KMT2A: variants seen among roughly 807,000 people sequenced by gnomAD.
KMT2A encodes the protein lysine methyltransferase 2A, also known as histone-lysine N-methyltransferase 2A.
A neutral mutation model predicts 345.3 loss-of-function variants in KMT2A; 16 were observed. The ratio of observed to expected loss-of-function variants is 0.05; its 90% CI spans 0.03 to 0.07. The LOEUF is 0.07. Among genes scored for constraint, KMT2A ranks in the 10% least tolerant of loss-of-function variants. KMT2A has a pLI of 1.00. For missense variants in KMT2A, 3,272 were observed against 4,841.6 expected, an observed-to-expected ratio of 0.68 and a Z score of 9.62; for synonymous variants, 1,599 against 1,778.6, an observed-to-expected ratio of 0.90 and a Z score of 2.54.
Position 118,503,964 on chromosome 11 carries a change from T to G in KMT2A, c.8072T>G (p.Val2691Gly). 1 of 1,614,192 alleles carries G rather than the reference T, an allele frequency of 6.2e-7. No individual in the cohort carries two copies. Among genetic ancestry groups the G allele is most frequent in the African/African-American group, 1.3e-5 (1 of 75,032 alleles). ...DLYYYNFTRTVISSGGEERLA... is the reference protein window; with the variant it reads ...DLYYYNFTRTGISSGGEERLA... ...TACTATTACAACTTCACTAGAACAGTGATTTCTTCAGGTGGAGAGGAACGA... is the reference window on the plus strand; with the variant it reads ...TACTATTACAACTTCACTAGAACAGGGATTTCTTCAGGTGGAGAGGAACGA... Residue 2691 changes from valine to glycine, a missense_variant, in exon 27 of 36, where the codon GTG becomes GGG. Physicochemically the swap from Val to Gly is moderately radical, Grantham distance 109 (BLOSUM62 -3). Coordinates refer to ENST00000534358, the MANE Select transcript of KMT2A (RefSeq NM_001197104.2). This position sits in a 1 kb window ranked among gnomAD's most constrained non-coding sequence, Gnocchi z 5.3.
chr11:118,518,500 G>A (rs758042410), intron 31 of KMT2A, among the ~76,000 whole-genome samples: 1 of 152,172 alleles, frequency 6.6e-6, no homozygotes, highest in Admixed American at 6.5e-5. Flanking sequence ...AGTGAGGCTG[G>A]CTGGGTGCTG....
At chr11:118,465,561 G>A (rs1949828693) in intron 1 of KMT2A, among the ~76,000 whole-genome samples, 1 of 152,050 alleles carries the variant, frequency 6.6e-6, no homozygotes, top group Admixed American at 6.5e-5. Flanking sequence ...TGAAATTGAG[G>A]GATAGATACA....
intron 31 of KMT2A, among the ~76,000 whole-genome samples, chr11:118,514,635 T>C (rs1272262838): frequency 1.3e-5 from 2 of 151,726 alleles, no homozygotes; most frequent in Admixed American, 1.3e-4. Flanking sequence ...TTTTTTTATT[T>C]TTATTTTTAT....
In KMT2A at chr11:118,502,719, T is replaced by C. The variant is rs1555046166; in HGVS notation, c.6827T>C (p.Val2276Ala). 3.7e-6 allele frequency: 6 copies of C among 1,614,030 alleles called. No homozygotes were observed. Among genetic ancestry groups the C allele is most frequent in the East Asian group, 2.2e-5 (1 of 44,896 alleles). The change falls in exon 27 of 36, where the codon GTA becomes GCA. Residue 2276 changes from valine (V) to alanine (A), a missense_variant. This residue lies in a region of KMT2A where 445 missense variants were observed against 500.9 expected (regional missense o/e 0.89). Coordinates refer to ENST00000534358, the MANE Select transcript of KMT2A (RefSeq NM_001197104.2). The surrounding 1 kb of genome is among the most constrained non-coding windows in gnomAD (Gnocchi z 4.9). ...AATTTGCAAAGGACAGTGGTTACTG[T>C]AGGCAATAAAAACAGTCACTTGGAT... is the stretch of plus-strand genomic sequence containing the variant. ...SSNLQRTVVTVGNKNSHLDGS... is the reference protein window; with the variant it reads ...SSNLQRTVVTAGNKNSHLDGS...
chr11:118,493,181 A>G lies in KMT2A; in HGVS notation c.5129A>G (p.Asp1710Gly). The G allele has an allele frequency of 6.2e-7, 1 of 1,614,164 alleles. No homozygotes were observed. Among genetic ancestry groups the G allele is most frequent in the Non-Finnish European group, 8.5e-7 (1 of 1,180,014 alleles). The change falls in exon 16 of 36, where the codon GAT becomes GGT. Residue 1710 changes from aspartate (D) to glycine (G), a missense_variant. By Grantham distance (94) the Asp-to-Gly change is moderately conservative. Around this residue, in one of 27 missense-constraint regions of KMT2A, gnomAD observed 235 missense variants for 503.4 expected, o/e 0.47. Coordinates refer to ENST00000534358, the MANE Select transcript of KMT2A (RefSeq NM_001197104.2). The surrounding 1 kb of genome is among the most constrained non-coding windows in gnomAD (Gnocchi z 5.8). ...AAACAGGATGATCAGCAGCCTTTAG[A>G]TCTAGAAGGAGTCAAGAGGAAGATG... is the stretch of plus-strand genomic sequence containing the variant. The part of the protein sequence containing the change: ...VSKQDDQQPL[D>G]LEGVKRKMDQ...
At position 118,442,378 on chromosome 11, in the gene KMT2A, A is replaced by G. The variant is rs74613583; in HGVS notation, c.432+5434A>G. ...AATGAGTCTGGCATGATGTACCTAC[A>G]TTTTAATCAGATTCTTAACCCTGTA... On this transcript the variant is annotated intron_variant, in intron 1 of 35. Transcript: ENST00000534358. Among the ~76,000 whole-genome samples the G allele has an allele frequency of 5.6e-4, 86 of 152,378 alleles. No individual in the cohort carries two copies. In the East Asian group the frequency reaches 0.014, roughly 25 times the overall value.
Position 118,473,450 on chromosome 11 carries a change from G to A in KMT2A, c.2291G>A (p.Ser764Asn), listed in dbSNP as rs1555036452. ...AGGACAAGAAGTGGAAGGCTTAGTA[G>A]TTCTGAGCTCTCACCTCTCACCCCC... ...SMRTRSGRLS[S>N]SELSPLTPPS... The change falls in exon 3 of 36, where the codon AGT becomes AAT. Residue 764 changes from serine (S) to asparagine (N), a missense_variant. Physicochemically the swap from Ser to Asn is conservative, Grantham distance 46. This residue lies in a region of KMT2A where 209 missense variants were observed against 237.4 expected (regional missense o/e 0.88). Transcript: ENST00000534358. The surrounding 1 kb of genome is among the most constrained non-coding windows in gnomAD (Gnocchi z 5.2). 1 of 1,614,180 alleles carries A rather than the reference G, an allele frequency of 6.2e-7. No homozygotes were observed. Among genetic ancestry groups the A allele is most frequent in the Non-Finnish European group, 8.5e-7 (1 of 1,180,032 alleles).
rs1284854527 is a variant in KMT2A at position 118,521,151 on chromosome 11, GT to G, written c.11514-136del. The G allele has an allele frequency of 4.2e-6, 4 of 960,952 alleles. No individual in the cohort carries two copies. The highest frequency in any genetic ancestry group is 1.6e-5 in the African/African-American group (1 of 61,052). 59.5% of individuals were successfully genotyped at this position (960,952 alleles called of 1,614,324 possible). ...GCCATGTGTTAGATGGCCAAATCAA[GT>G]GGGTCCAAATTTTTATTTTCTCAAG... On this transcript the variant is annotated intron_variant, in intron 34 of 35. Coordinates refer to ENST00000534358, the MANE Select transcript of KMT2A (RefSeq NM_001197104.2). This position sits in a 1 kb window ranked among gnomAD's most constrained non-coding sequence, Gnocchi z 5.3.
At position 118,520,691 on chromosome 11, in the gene KMT2A, C is replaced by T; in HGVS notation, c.11430-111C>T. On this transcript the variant is annotated intron_variant, in intron 33 of 35. Transcript: ENST00000534358. This position sits in a 1 kb window ranked among gnomAD's most constrained non-coding sequence, Gnocchi z 4.3. ...GCGCTCATTTTATAAGGCACTCGTT[C>T]AGTTTGGCATTAAACAAAGAGTGTA... 1 of 753,454 alleles carries T rather than the reference C, an allele frequency of 1.3e-6. No homozygotes were observed. Among genetic ancestry groups the T allele is most frequent in the Non-Finnish European group, 2.3e-6 (1 of 440,602 alleles). 46.7% of individuals were successfully genotyped at this position (753,454 alleles called of 1,614,324 possible).
intron 1 of KMT2A, chr11:118,450,195 C>T (rs538201176): frequency 6.6e-6 from 1 of 151,844 alleles, no homozygotes; most frequent in East Asian, 1.9e-4. Context: ...TCTGGAAATA[C>T]ACCTTTCTTG....
In KMT2A at chr11:118,436,905, C is replaced by T. The variant is rs782299975; in HGVS notation, c.393C>T (p.Ala131=). 1 of 1,579,610 alleles carries T rather than the reference C, an allele frequency of 6.3e-7. No homozygotes were observed. Among genetic ancestry groups the T allele is most frequent in the Non-Finnish European group, 8.6e-7 (1 of 1,162,342 alleles). ...GCACCAACCTGCGCCGGTTCCGGGCCGTGTTTGGGGAGAGCGGCGGGGGAG... is the reference window on the plus strand; with the variant it reads ...GCACCAACCTGCGCCGGTTCCGGGCTGTGTTTGGGGAGAGCGGCGGGGGAG... ...AIGTNLRRFR[A]VFGESGGGGG... Residue 131 remains alanine, a synonymous_variant, in exon 1 of 36, where the codon GCC becomes GCT. Coordinates refer to ENST00000534358, the MANE Select transcript of KMT2A (RefSeq NM_001197104.2). This position sits in a 1 kb window ranked among gnomAD's most constrained non-coding sequence, Gnocchi z 6.9.
chr11:118,472,745 G>A lies in KMT2A; in HGVS notation c.1586G>A (p.Arg529Lys). ...AATGAGAGTAATGATAGGAGAAGCAGAAGGTATTCAGTGTCGGAGAGAAGT... is the reference window on the plus strand; with the variant it reads ...AATGAGAGTAATGATAGGAGAAGCAAAAGGTATTCAGTGTCGGAGAGAAGT... ...PENESNDRRS[R>K]RYSVSERSFG... The change falls in exon 3 of 36, where the codon AGA (arginine) becomes AAA (lysine). Residue 529 changes from arginine (R) to lysine (K), a missense_variant. Coordinates refer to ENST00000534358, the MANE Select transcript of KMT2A (RefSeq NM_001197104.2). 1 of 1,613,732 alleles carries A rather than the reference G, an allele frequency of 6.2e-7. No individual in the cohort carries two copies. The highest frequency in any genetic ancestry group is 8.5e-7 in the Non-Finnish European group (1 of 1,179,980).
intron 1 of KMT2A, among the ~76,000 whole-genome samples, chr11:118,455,129 G>T (rs1555030388): frequency 6.6e-6 from 1 of 152,128 alleles, no homozygotes; most frequent in Non-Finnish European, 1.5e-5. Flanking sequence ...GGGCTCACAT[G>T]AACCTCCTGC....
intron 4 of KMT2A, 141 bp from the exon 5 acceptor site, chr11:118,477,826 A>G: frequency 1.6e-6 from 1 of 630,780 alleles, no homozygotes; most frequent in Non-Finnish European, 2.6e-6. Context: ...GCATTTTTAA[A>G]CATTTAAATA....
chr11:118,524,458 A>G lies in KMT2A; in HGVS notation c.*2286A>G, dbSNP rs1951038305. On this transcript the variant is annotated 3_prime_UTR_variant, in exon 36 of 36. Coordinates refer to ENST00000534358, the MANE Select transcript of KMT2A (RefSeq NM_001197104.2). ...AACTTTGTCTGGTGGCTTTGCTGGA[A>G]CATTGTCACTGTTTTCACTGTCATG... 6 of 188,734 alleles carry G rather than the reference A, an allele frequency of 3.2e-5. No individual in the cohort carries two copies. In the Admixed American group the frequency reaches 3.7e-4, roughly 12 times the overall value. The allele number at this position is 188,734 out of a possible 1,614,324, so 11.7% of individuals were successfully genotyped here.
intron 25 of KMT2A, 26 bp from the exon 26 acceptor site, chr11:118,501,645 GT>G (rs1950502413): frequency 6.3e-7 from 1 of 1,586,252 alleles, no homozygotes; most frequent in Non-Finnish European, 8.6e-7. Flanking sequence ...GGCCTTTTTA[GT>G]TAAGAGTTTT....
Position 118,510,084 on chromosome 11 carries a change from T to C in KMT2A, c.11037T>C (p.Asp3679=). 1.9e-6 allele frequency: 3 copies of C among 1,613,906 alleles called. No individual in the cohort carries two copies. Among genetic ancestry groups the C allele is most frequent in the African/African-American group, 2.7e-5 (2 of 75,038 alleles). Residue 3679 remains aspartate (D), a synonymous_variant, in exon 30 of 36, where the codon GAT becomes GAC. Coordinates refer to ENST00000534358, the MANE Select transcript of KMT2A (RefSeq NM_001197104.2). This position sits in a 1 kb window ranked among gnomAD's most constrained non-coding sequence, Gnocchi z 4.1. ...GACTTGTTTTTGAAATTTCCAGTGA[T>C]GATGGCTTTCAGATCTGTGCAGAAA... ...KKGLVFEISS[D]DGFQICAESI...
In KMT2A at chr11:118,473,028, G is replaced by A. The variant is rs2134264819; in HGVS notation, c.1869G>A (p.Lys623=). ...CGACATTTAGGTGGACTTCTTTAAA[G>A]CATTCTAGGTCAGAGCCACAATACT... ...REPTFRWTSL[K]HSRSEPQYFS... The change falls in exon 3 of 36, where the codon AAG becomes AAA. Residue 623 remains lysine, a synonymous_variant. Coordinates refer to ENST00000534358, the MANE Select transcript of KMT2A (RefSeq NM_001197104.2). The surrounding 1 kb of genome is among the most constrained non-coding windows in gnomAD (Gnocchi z 5.2). 6.2e-7 allele frequency: 1 copy of A among 1,614,158 alleles called. No homozygotes were observed.
Position 118,490,069 on chromosome 11 carries a change from A to G in KMT2A, c.4576-60A>G. ...AAATGGATGCATTTAAGATCTTTTTAGTTAAGTAAAGATATTAAAAACAAG... is the reference window on the plus strand; with the variant it reads ...AAATGGATGCATTTAAGATCTTTTTGGTTAAGTAAAGATATTAAAAACAAG... On this transcript the variant is annotated intron_variant, in intron 12 of 35. Coordinates refer to ENST00000534358, the MANE Select transcript of KMT2A (RefSeq NM_001197104.2). This position sits in a 1 kb window ranked among gnomAD's most constrained non-coding sequence, Gnocchi z 4.2. 6.6e-7 allele frequency: 1 copy of G among 1,525,502 alleles called. No homozygotes were observed. Among genetic ancestry groups the G allele is most frequent in the Non-Finnish European group, 8.9e-7 (1 of 1,125,090 alleles). The allele number at this position is 1,525,502 out of a possible 1,614,324, so 94.5% of individuals were successfully genotyped here. A position where few individuals can be genotyped will look rare whatever the true frequency, so the allele number is the denominator to read the frequency against.
Sources: allele counts gnomAD v4.1 joint callset (sites outside exome capture counted in the v4.1 genomes callset), GRCh38; gene constraint gnomAD v4.1.1; regional missense constraint gnomAD v4.1.1; non-coding constraint Gnocchi (gnomAD v3.1); transcripts MANE v1.5; gene names NCBI Gene and HGNC (gene_info 2026-07-23, HGNC 2026-07-21).